Variants in RBM12B observed in about 807,000 individuals in gnomAD.
RBM12B encodes the protein RNA-binding protein 12B.
In RBM12B, 10 loss-of-function variants were observed where a neutral mutation model predicts 34.3. The ratio of observed to expected loss-of-function variants is 0.29; its 90% CI spans 0.18 to 0.49. The LOEUF is 0.49. RBM12B is among the 20% of genes least tolerant of loss of function. RBM12B has a pLI of 0.99. For synonymous variants in RBM12B, 477 were observed against 437.1 expected (o/e 1.09, Z -1.14); for missense variants, 1,139 against 1,262.7 (o/e 0.90, Z 1.48).
Position 93,734,568 on chromosome 8 carries a change from T to C in RBM12B, c.1843A>G (p.Arg615Gly), listed in dbSNP as rs747435650. 3 of 1,608,312 alleles carry C rather than the reference T, an allele frequency of 1.9e-6. No homozygotes were observed. The highest frequency in any genetic ancestry group is 2.3e-5 in the East Asian group (1 of 44,428). The change falls in exon 4 of 4, where the codon AGG (arginine) becomes GGG (glycine). Residue 615 changes from arginine (R) to glycine (G), a missense_variant. Around this residue, in one of 3 missense-constraint regions of RBM12B, gnomAD observed 863 missense variants for 869.5 expected, o/e 0.99. Transcript: ENST00000520560. ...AGGGGCCTCCTCCAGTCCTCCTCCC[T>C]AGGGTGCCTGAAGTCATCCTCCGGA... ...RPPEDDFRHP[R>G]EEDWRRPLEE...
chr8:93,740,626 T>C lies in RBM12B; in HGVS notation c.-78+3A>G, dbSNP rs1812176562. On this transcript the variant is annotated splice_donor_region_variant and intron_variant, in intron 2 of 3. Coordinates refer to ENST00000520560, the MANE Select transcript of RBM12B (RefSeq NM_001377960.1). Reference sequence around the variant, plus strand: ...CGATGACATAGCAAAGAAAAAAATATACCTATGAAATCCTTCGAGATCTTC... The same window carrying C: ...CGATGACATAGCAAAGAAAAAAATACACCTATGAAATCCTTCGAGATCTTC... 2.3e-5 allele frequency: 9 copies of C among 384,000 alleles called. No homozygotes were observed. Among genetic ancestry groups the C allele is most frequent in the South Asian group, 1.3e-4 (7 of 52,850 alleles). 23.8% of individuals were successfully genotyped at this position (384,000 alleles called of 1,614,324 possible). A position where few individuals can be genotyped will look rare whatever the true frequency, so the allele number is the denominator to read the frequency against.
At position 93,733,644 on chromosome 8, in the gene RBM12B, T is replaced by G. The variant is rs371603503; in HGVS notation, c.2767A>C (p.Arg923=). ...PDPKINCGSG[R]VTPIKIMNLP... is the part of the protein sequence containing the mutation. ...TTCATTATCTTAATAGGAGTTACTC[T>G]ACCTGAACCACAATTTATTTTTGGA... Residue 923 remains arginine (R), a synonymous_variant, in exon 4 of 4, where the codon AGA becomes CGA. Transcript: ENST00000520560. The G allele has an allele frequency of 6.1e-5, 98 of 1,614,074 alleles. 1 individual carries two copies. In the African/African-American group the frequency reaches 1.0e-3, roughly 17 times the overall value.
intron 3 of RBM12B, 48 bp from the exon 4 acceptor site, chr8:93,736,486 C>A: frequency 7.0e-7 from 1 of 1,421,622 alleles, no homozygotes; most frequent in Admixed American, 2.5e-5. Flanking sequence ...TTTTGAAGTA[C>A]CTTAGCCCAA....
Position 93,735,334 on chromosome 8 carries a change from A to G in RBM12B, c.1077T>C (p.Ser359=). Residue 359 remains serine (S), a synonymous_variant, in exon 4 of 4, where the codon TCT becomes TCC. Transcript: ENST00000520560. ...QYRPVHIDPI[S]RKQMLKFIAR... is the part of the protein sequence containing the mutation. Reference sequence around the variant, plus strand: ...CAATGAACTTCAGCATTTGTTTTCTAGAAATTGGATCAATATGAACTGGAC... The same window carrying G: ...CAATGAACTTCAGCATTTGTTTTCTGGAAATTGGATCAATATGAACTGGAC... 1 of 1,614,002 alleles carries G rather than the reference A, an allele frequency of 6.2e-7. No individual in the cohort carries two copies. Among genetic ancestry groups the G allele is most frequent in the Non-Finnish European group, 8.5e-7 (1 of 1,180,020 alleles).
At position 93,734,798 on chromosome 8, in the gene RBM12B, T is replaced by C. The variant is rs377069828; in HGVS notation, c.1613A>G (p.Asp538Gly). Residue 538 changes from aspartate to glycine, a missense_variant, in exon 4 of 4, where the codon GAT (aspartate) becomes GGT (glycine). Coordinates refer to ENST00000520560, the MANE Select transcript of RBM12B (RefSeq NM_001377960.1). ...RHQLEDLRQL[D>G]NFKHPQRDFR... ...ATCCCTCTGGGGATGCTTGAAGTTA[T>C]CCAGTTGCCTCAAGTCCTCTAGCTG... is the stretch of plus-strand genomic sequence containing the variant. 15 of 1,614,072 alleles carry C rather than the reference T, an allele frequency of 9.3e-6. No individual in the cohort carries two copies. In the African/African-American group the frequency reaches 9.3e-5, roughly 10 times the overall value.
chr8:93,740,807 G>C (rs932900034), intron 1 of RBM12B, 74 bp downstream of exon 1: 17 of 335,852 alleles, frequency 5.1e-5, no homozygotes, highest in South Asian at 3.9e-4. Flanking sequence ...CCGTTCTTCC[G>C]GCTTGGTCGC....
Position 93,733,341 on chromosome 8 carries a change from A to T in RBM12B, c.*64T>A. ...ATTTAAAAAAAAAACACTTTTTTAA[A>T]ACAAATGTATTTTACTCCATCAATA... On this transcript the variant is annotated 3_prime_UTR_variant, in exon 4 of 4. Transcript: ENST00000520560. The T allele has an allele frequency of 7.6e-7, 1 of 1,318,306 alleles. No homozygotes were observed. Among genetic ancestry groups the T allele is most frequent in the Admixed American group, 2.7e-5 (1 of 36,706 alleles). 81.7% of individuals were successfully genotyped at this position (1,318,306 alleles called of 1,614,324 possible).
At position 93,735,229 on chromosome 8, in the gene RBM12B, A is replaced by G. The variant is rs765194914; in HGVS notation, c.1182T>C (p.Gly394=). 6.2e-7 allele frequency: 1 copy of G among 1,614,030 alleles called. No individual in the cohort carries two copies. Among genetic ancestry groups the G allele is most frequent in the Non-Finnish European group, 8.5e-7 (1 of 1,180,026 alleles). ...AGATGCACAGTTTCTGGCCAGAGTTACCTTCTTGAGAGTATTTTTGTGAAA... is the reference window on the plus strand; with the variant it reads ...AGATGCACAGTTTCTGGCCAGAGTTGCCTTCTTGAGAGTATTTTTGTGAAA... ...GHVSQKYSQE[G]NSGQKLCIYI... Residue 394 remains glycine (G), a synonymous_variant, in exon 4 of 4, where the codon GGT becomes GGC. Transcript: ENST00000520560.
rs569066714 is a variant in RBM12B at position 93,733,260 on chromosome 8, TCTA to T, written c.*142_*144del. 31 of 534,178 alleles carry T rather than the reference TCTA, an allele frequency of 5.8e-5. No individual in the cohort carries two copies. Among genetic ancestry groups the T allele is most frequent in the Non-Finnish European group, 9.0e-5 (31 of 344,938 alleles). 33.1% of individuals were successfully genotyped at this position (534,178 alleles called of 1,614,324 possible). ...AAGCAAAAGAAAACCAGATTCACAT[TCTA>T]CTATTTACATTTGTTCTATTCACAG... On this transcript the variant is annotated 3_prime_UTR_variant, in exon 4 of 4. Transcript: ENST00000520560.
At chr8:93,737,266 T>G (rs1586314461) in intron 3 of RBM12B, 41 bp downstream of exon 3, 1 of 152,248 alleles carries the variant, frequency 6.6e-6, no homozygotes, top group South Asian at 2.1e-4. Flanking sequence ...CTTCACATGT[T>G]TTTTGTTGAG....
At position 93,736,351 on chromosome 8, in the gene RBM12B, A is replaced by T. The variant is rs1228946024; in HGVS notation, c.60T>A (p.Arg20=). Residue 20 remains arginine, a synonymous_variant, in exon 4 of 4, where the codon CGT becomes CGA. Coordinates refer to ENST00000520560, the MANE Select transcript of RBM12B (RefSeq NM_001377960.1). ...GAATAGTCAATCCCGTGAAGAAGTG[A>T]CGAATATCCACAGGCCCCGCAATAA... is the stretch of plus-strand genomic sequence containing the variant. The part of the protein sequence containing the change: ...LPFIAGPVDI[R]HFFTGLTIPD... 1 of 1,613,000 alleles carries T rather than the reference A, an allele frequency of 6.2e-7. No individual in the cohort carries two copies. Among genetic ancestry groups the T allele is most frequent in the Admixed American group, 1.7e-5 (1 of 59,804 alleles).
chr8:93,728,369 CTT>C lies in RBM12B; in HGVS notation c.*5034_*5035del. On this transcript the variant is annotated 3_prime_UTR_variant, in exon 4 of 4. Coordinates refer to ENST00000520560, the MANE Select transcript of RBM12B (RefSeq NM_001377960.1). The stretch of plus-strand genomic sequence containing the variant: ...ACTAAATTGTAGAACTTTATACTCA[CTT>C]TGCTATGTTAAGCCTCAAAGTGAAG... The C allele has an allele frequency of 9.9e-7, 1 of 1,005,080 alleles. No individual in the cohort carries two copies. Among genetic ancestry groups the C allele is most frequent in the Non-Finnish European group, 1.5e-6 (1 of 684,574 alleles). 62.3% of individuals were successfully genotyped at this position (1,005,080 alleles called of 1,614,324 possible).
chr8:93,730,292 T>A lies in RBM12B; in HGVS notation c.*3113A>T, dbSNP rs1686274237. 1 of 152,220 alleles carries A rather than the reference T, an allele frequency of 6.6e-6. No homozygotes were observed. Among genetic ancestry groups the A allele is most frequent in the Admixed American group, 6.5e-5 (1 of 15,286 alleles). 9.4% of individuals were successfully genotyped at this position (152,220 alleles called of 1,614,324 possible). ...AGGTGATATATGGATCAAGAATCAC[T>A]GCTCTTAACAGTGATCTCAGTAAAT... On this transcript the variant is annotated 3_prime_UTR_variant, in exon 4 of 4. Coordinates refer to ENST00000520560, the MANE Select transcript of RBM12B (RefSeq NM_001377960.1).
chr8:93,740,428 T>C (rs1236975910), intron 2 of RBM12B: 1 of 457,274 alleles, frequency 2.2e-6, no homozygotes, highest in Admixed American at 2.3e-5. Flanking sequence ...AAATCAGCCT[T>C]CAAATTAACC....
intron 2 of RBM12B, chr8:93,740,343 G>A (rs1413414392): frequency 1.5e-5 from 7 of 457,308 alleles, no homozygotes; most frequent in South Asian, 1.1e-4. Flanking sequence ...AACTCCCAGG[G>A]GTCAGAGCTT....
intron 2 of RBM12B, among the ~76,000 whole-genome samples, chr8:93,737,667 T>C (rs1483486956): frequency 1.3e-5 from 2 of 152,172 alleles, no homozygotes; most frequent in African/African-American, 2.4e-5. Flanking sequence ...ATATTTTGAA[T>C]GCAGCAGTAG....
chr8:93,735,467 C>G lies in RBM12B; in HGVS notation c.944G>C (p.Arg315Thr). ...RGTDLTDEQIRFLYKDENRTR... is the reference protein window; with the variant it reads ...RGTDLTDEQITFLYKDENRTR... ...TCTATTTTCATCTTTATATAAAAAC[C>G]TAATCTGTTCATCAGTCAGATCAGT... The change falls in exon 4 of 4, where the codon AGG (arginine) becomes ACG (threonine). Residue 315 changes from arginine to threonine, a missense_variant. Physicochemically the swap from Arg to Thr is moderately conservative, Grantham distance 71 (BLOSUM62 -1). Coordinates refer to ENST00000520560, the MANE Select transcript of RBM12B (RefSeq NM_001377960.1). The G allele has an allele frequency of 1.2e-6, 2 of 1,613,416 alleles. No individual in the cohort carries two copies. The highest frequency in any genetic ancestry group is 1.7e-6 in the Non-Finnish European group (2 of 1,179,784).
chr8:93,731,392 A>G lies in RBM12B; in HGVS notation c.*2013T>C, dbSNP rs1251506576. ...ATACAATCTTTGCTCAATTAAAAAT[A>G]TCATTTCTACTTTCTTCATTGTGCT... On this transcript the variant is annotated 3_prime_UTR_variant, in exon 4 of 4. Coordinates refer to ENST00000520560, the MANE Select transcript of RBM12B (RefSeq NM_001377960.1). The G allele has an allele frequency of 6.6e-6, 1 of 152,250 alleles. No individual in the cohort carries two copies. Among genetic ancestry groups the G allele is most frequent in the African/African-American group, 2.4e-5 (1 of 41,464 alleles). The allele number at this position is 152,250 out of a possible 1,614,324, so 9.4% of individuals were successfully genotyped here. A position where few individuals can be genotyped will look rare whatever the true frequency, so the allele number is the denominator to read the frequency against.
At position 93,732,263 on chromosome 8, in the gene RBM12B, C is replaced by A. The variant is rs117423418; in HGVS notation, c.*1142G>T. ...CATGTAAAGTGCTTACAGTGCCTAG[C>A]ACATAGTAAGTGCCTAATAAATGTT... On this transcript the variant is annotated 3_prime_UTR_variant, in exon 4 of 4. Transcript: ENST00000520560. 6.6e-6 allele frequency: 1 copy of A among 152,248 alleles called. No homozygotes were observed. The highest frequency in any genetic ancestry group is 1.5e-5 in the Non-Finnish European group (1 of 68,018). 9.4% of individuals were successfully genotyped at this position (152,248 alleles called of 1,614,324 possible). A position where few individuals can be genotyped will look rare whatever the true frequency, so the allele number is the denominator to read the frequency against.
Sources: gnomAD v4.1 joint callset for allele counts (sites outside exome capture counted in the v4.1 genomes callset) on GRCh38, gnomAD v4.1.1 for gene constraint, gnomAD v4.1.1 regional missense constraint, MANE v1.5 for transcripts, NCBI Gene and HGNC (gene_info 2026-07-23, HGNC 2026-07-21) for gene names.